CENPS: variants seen among roughly 807,000 people sequenced by gnomAD.
CENPS encodes the protein FANCM associated histone fold protein 1.
Under a neutral mutation model 17.9 loss-of-function variants are expected in CENPS, and 16 were observed. The ratio of observed to expected loss-of-function variants is 0.90; its 90% CI spans 0.61 to 1.36. CENPS has a LOEUF of 1.36. Among genes scored for constraint, CENPS ranks in the 40% most tolerant of loss-of-function variants. CENPS has a pLI of 0.00. For missense variants in CENPS, 160 were observed against 158.6 expected (o/e 1.01, Z -0.05); for synonymous variants, 49 against 55.8 (o/e 0.88, Z 0.54).
chr1:10,430,768 G>C (rs777631099), intron 1 of CENPS, 200 bp downstream of exon 1: 6 of 1,392,888 alleles, frequency 4.3e-6, no homozygotes, highest in Admixed American at 7.1e-5. Context: ...ACCCTGGCCT[G>C]CGCTGGCTGG....
At chr1:10,440,050 C>T (rs1378071515) in intron 3 of CENPS, 2 of 385,860 alleles carry the variant, frequency 5.2e-6, no homozygotes, top group Non-Finnish European at 9.2e-6. Context: ...GCCAAGCAAG[C>T]CAGGTTTGGA....
chr1:10,437,758 ATTTT>A (rs59257602), intron 3 of CENPS, among the ~76,000 whole-genome samples: 2 of 123,222 alleles, frequency 1.6e-5, no homozygotes, highest in African/African-American at 3.1e-5. Context: ...TGCCTGGCCA[ATTTT>A]TTTTTTTTTT....
intron 3 of CENPS, 142 bp from the exon 4 acceptor site, chr1:10,440,204 CT>C (rs2124285910): frequency 8.9e-7 from 1 of 1,119,244 alleles, no homozygotes; most frequent in South Asian, 1.7e-5. Flanking sequence ...TTTTGTGTCA[CT>C]TTTGCTTAAT....
At chr1:10,433,258 GT>G (rs1640003107) in intron 1 of CENPS, among the ~76,000 whole-genome samples, 1 of 152,168 alleles carries the variant, frequency 6.6e-6, no homozygotes, top group Admixed American at 6.6e-5. Flanking sequence ...TATTGAAAAG[GT>G]TTGCCAAGGA....
Position 10,442,464 on chromosome 1 carries a change from A to G in CENPS, c.*59A>G, listed in dbSNP as rs1009619999. 2.7e-6 allele frequency: 4 copies of G among 1,459,398 alleles called. No individual in the cohort carries two copies. Among genetic ancestry groups the G allele is most frequent in the Non-Finnish European group, 3.6e-6 (4 of 1,109,330 alleles). 90.4% of individuals were successfully genotyped at this position (1,459,398 alleles called of 1,614,324 possible). On this transcript the variant is annotated 3_prime_UTR_variant, in exon 5 of 5. Transcript: ENST00000309048. The stretch of plus-strand genomic sequence containing the variant: ...CAGGTAGAGCCACCTAGAAATGCAT[A>G]TGGCTGCAAAGGAAACTTTGAAGGG...
intron 1 of CENPS, among the ~76,000 whole-genome samples, chr1:10,432,109 C>T (rs1189931076): frequency 1.3e-5 from 2 of 151,258 alleles, no homozygotes; most frequent in African/African-American, 2.4e-5. Flanking sequence ...TTTTTTGAAA[C>T]GTAGTTTCAC....
In CENPS at chr1:10,430,582, G is replaced by A. The variant is rs1181512573; in HGVS notation, c.51+14G>A. On this transcript the variant is annotated intron_variant, in intron 1 of 4. Coordinates refer to ENST00000309048, the MANE Select transcript of CENPS (RefSeq NM_199294.3). ...TCTTACCAACAGGTACAGGAAAACG[G>A]GGGTCGGGCTGGGCTGGGGCAGGAC... 5 of 1,533,746 alleles carry A rather than the reference G, an allele frequency of 3.3e-6. No individual in the cohort carries two copies. The highest frequency in any genetic ancestry group is 4.4e-6 in the Non-Finnish European group (5 of 1,140,728).
intron 1 of CENPS, among the ~76,000 whole-genome samples, chr1:10,431,941 A>G (rs532780686): frequency 6.6e-6 from 1 of 151,764 alleles, no homozygotes; most frequent in South Asian, 2.1e-4. Context: ...TTTTGATAAA[A>G]CTCTATTGAA....
chr1:10,436,697 C>A (rs1346898013), intron 3 of CENPS, among the ~76,000 whole-genome samples: 2 of 131,278 alleles, frequency 1.5e-5, no homozygotes, highest in African/African-American at 5.8e-5. Flanking sequence ...CAGAGTGAGA[C>A]TCTGTCTCTT....
Position 10,433,850 on chromosome 1 carries a change from G to C in CENPS, c.60G>C (p.Lys20Asn), listed in dbSNP as rs1205284526. The change falls in exon 2 of 5, where the codon AAG becomes AAC. Residue 20 changes from lysine to asparagine, a missense_variant. Transcript: ENST00000309048. ...QQRFSYQQRL[K>N]AAVHYTVGCL... ...TTGATGTTTTTCCCCAGAGGCTAAA[G>C]GCAGCAGTTCACTATACTGTGGGTT... The C allele has an allele frequency of 6.2e-7, 1 of 1,614,032 alleles. No homozygotes were observed. Among genetic ancestry groups the C allele is most frequent in the Non-Finnish European group, 8.5e-7 (1 of 1,180,022 alleles).
intron 1 of CENPS, among the ~76,000 whole-genome samples, chr1:10,433,344 C>T (rs1212023949): frequency 6.6e-6 from 1 of 152,192 alleles, no homozygotes; most frequent in Non-Finnish European, 1.5e-5. Flanking sequence ...TTGAGCCTTT[C>T]CCGTGTTGTA....
intron 4 of CENPS, 47 bp downstream of exon 4, chr1:10,440,460 A>T (rs1490749741): frequency 6.2e-7 from 1 of 1,602,602 alleles, no homozygotes; most frequent in Non-Finnish European, 8.5e-7. Flanking sequence ...ATCGGAATAC[A>T]TTATTCCCAA....
At chr1:10,431,009 C>G in intron 1 of CENPS, 3 of 1,291,982 alleles carry the variant, frequency 2.3e-6, no homozygotes, top group Non-Finnish European at 3.0e-6. Context: ...TGCAGGGACG[C>G]GGTGCGGACC....
At chr1:10,440,321 G>A in intron 3 of CENPS, 26 bp from the exon 4 acceptor site, 1 of 1,609,742 alleles carries the variant, frequency 6.2e-7, no homozygotes, top group Non-Finnish European at 8.5e-7. Flanking sequence ...AAACATTTTG[G>A]TGACTTGCTT....
intron 1 of CENPS, among the ~76,000 whole-genome samples, chr1:10,433,533 A>G (rs1640016229): frequency 1.3e-5 from 2 of 152,356 alleles, no homozygotes; most frequent in South Asian, 4.1e-4. Context: ...ATAGTTTGGA[A>G]TAAGTGAGTG....
chr1:10,438,487 C>T (rs575776610), intron 3 of CENPS, among the ~76,000 whole-genome samples: 25 of 152,278 alleles, frequency 1.6e-4, no homozygotes, highest in Non-Finnish European at 3.2e-4. Context: ...TCTCTAGTCT[C>T]CTAGTATTGT....
intron 4 of CENPS, among the ~76,000 whole-genome samples, chr1:10,441,938 C>G (rs1243632459): frequency 6.6e-6 from 1 of 152,110 alleles, no homozygotes; most frequent in Non-Finnish European, 1.5e-5. Flanking sequence ...GGCCACAACT[C>G]TTAATAACAC....
intron 3 of CENPS, chr1:10,440,138 G>A: frequency 1.6e-6 from 1 of 612,024 alleles, no homozygotes; most frequent in Non-Finnish European, 2.7e-6. Context: ...GTGGAGAGAT[G>A]GGCCTCCGCA....
chr1:10,438,646 TGGA>T (rs1377456762), intron 3 of CENPS, among the ~76,000 whole-genome samples: 1 of 152,118 alleles, frequency 6.6e-6, no homozygotes, highest in Non-Finnish European at 1.5e-5. Flanking sequence ...TTTCTGGAGT[TGGA>T]GGTTTGACTT....
Sources: gnomAD v4.1 joint callset for allele counts (sites outside exome capture counted in the v4.1 genomes callset) on GRCh38, gnomAD v4.1.1 for gene constraint, MANE v1.5 for transcripts, NCBI Gene and HGNC (gene_info 2026-07-23, HGNC 2026-07-21) for gene names.